CNTN5: variants seen among roughly 807,000 people sequenced by gnomAD.
The protein encoded by CNTN5 is contactin 5.
CNTN5 carries 77 observed loss-of-function variants against 129.1 expected under a neutral mutation model. That is an observed-to-expected ratio of 0.60 (90% CI 0.50 to 0.72). The LOEUF (loss-of-function observed/expected upper bound fraction) is 0.72, where lower values mean the gene tolerates loss of function less well. Among genes scored for constraint, CNTN5 ranks in the 30% least tolerant of loss-of-function variants. CNTN5 has a pLI of 0.00. For missense variants in CNTN5, 1,478 were observed against 1,328.8 expected, an observed-to-expected ratio of 1.11 and a Z score of -1.75; for synonymous variants, 509 against 465.6, an observed-to-expected ratio of 1.09 and a Z score of -1.20.
At chr11:99,355,833 T>G (rs1002047390) in intron 2 of CNTN5, among the ~76,000 whole-genome samples, 13 of 150,482 alleles carry the variant, frequency 8.6e-5, no homozygotes, top group African/African-American at 2.0e-4. Context: ...TTTTTTTTTT[T>G]TTGTTTTTTT....
chr11:100,237,449 C>A (rs1022592471), intron 16 of CNTN5, among the ~76,000 whole-genome samples: 1 of 152,130 alleles, frequency 6.6e-6, no homozygotes, highest in African/African-American at 2.4e-5. Context: ...CTGAACAATA[C>A]AAAATCCATG....
intron 3 of CNTN5, among the ~76,000 whole-genome samples, chr11:99,727,620 G>T (rs984772688): frequency 6.6e-6 from 1 of 151,720 alleles, no homozygotes; most frequent in African/African-American, 2.4e-5. Flanking sequence ...ATCAATTAAG[G>T]GAAGGAAATT....
At chr11:99,642,638 T>G (rs1951812211) in intron 3 of CNTN5, among the ~76,000 whole-genome samples, 1 of 152,182 alleles carries the variant, frequency 6.6e-6, no homozygotes, top group Middle Eastern at 3.2e-3. Context: ...GCTAGCTATT[T>G]TGAAATATGC....
intron 3 of CNTN5, among the ~76,000 whole-genome samples, chr11:99,789,369 A>G (rs1156403306): frequency 6.6e-6 from 1 of 152,002 alleles, no homozygotes; most frequent in African/African-American, 2.4e-5. Context: ...AATGAACAAC[A>G]GAACTGGGGT....
At chr11:99,778,979 TTATA>T (rs1945220502) in intron 3 of CNTN5, among the ~76,000 whole-genome samples, 1 of 151,812 alleles carries the variant, frequency 6.6e-6, no homozygotes, top group Non-Finnish European at 1.5e-5. Flanking sequence ...ACTGGAGAGA[TTATA>T]TAGTGTTTTA....
chr11:99,474,837 T>C (rs982777987), intron 2 of CNTN5, among the ~76,000 whole-genome samples: 1 of 152,224 alleles, frequency 6.6e-6, no homozygotes, highest in Non-Finnish European at 1.5e-5. Context: ...GGCTAGCTAA[T>C]GTTTCCGGAA....
intron 2 of CNTN5, among the ~76,000 whole-genome samples, chr11:99,335,823 A>G (rs1348259742): frequency 6.6e-6 from 1 of 152,144 alleles, no homozygotes; most frequent in Admixed American, 6.5e-5. Flanking sequence ...ATCTTGAGGC[A>G]GAGAAGCAGG....
At chr11:100,316,742 G>A (rs1277679462) in intron 21 of CNTN5, among the ~76,000 whole-genome samples, 1 of 152,128 alleles carries the variant, frequency 6.6e-6, no homozygotes, top group African/African-American at 2.4e-5. Context: ...AGTTTATGGT[G>A]CTTGTATTCA....
intron 6 of CNTN5, among the ~76,000 whole-genome samples, chr11:99,858,712 A>C (rs1232917952): frequency 2.2e-5 from 3 of 136,522 alleles, no homozygotes; most frequent in Non-Finnish European, 3.3e-5. Flanking sequence ...AAAATATTTT[A>C]ATTGATTTAC....
chr11:99,146,112 C>G (rs1467430322), intron 1 of CNTN5, among the ~76,000 whole-genome samples: 2 of 151,976 alleles, frequency 1.3e-5, no homozygotes, highest in Admixed American at 1.3e-4. Context: ...ATCAACCAAG[C>G]TAATTAAACC....
At chr11:100,021,369 T>C (rs561809490) in intron 9 of CNTN5, among the ~76,000 whole-genome samples, 2 of 152,318 alleles carry the variant, frequency 1.3e-5, no homozygotes, top group African/African-American at 4.8e-5. Flanking sequence ...ATATCTTTAT[T>C]GATTTCTGTC....
At chr11:100,261,416 T>C (rs1041060059) in intron 17 of CNTN5, among the ~76,000 whole-genome samples, 3 of 152,134 alleles carry the variant, frequency 2.0e-5, no homozygotes, top group Non-Finnish European at 4.4e-5. Context: ...CAAGCTGTCA[T>C]TGACTTTCTT....
intron 13 of CNTN5, among the ~76,000 whole-genome samples, chr11:100,169,625 C>A (rs1033681675): frequency 6.6e-6 from 1 of 151,936 alleles, no homozygotes; most frequent in Non-Finnish European, 1.5e-5. Flanking sequence ...GTACACTTAA[C>A]CACAGTATAG....
At chr11:100,002,220 G>A (rs1438848229) in intron 9 of CNTN5, 84 bp downstream of exon 9, 1 of 886,612 alleles carries the variant, frequency 1.1e-6, no homozygotes, top group Non-Finnish European at 1.6e-6. Context: ...ATTTTGCTAG[G>A]TGTCATTTCC....
intron 1 of CNTN5, among the ~76,000 whole-genome samples, chr11:99,143,139 T>A (rs538794136): frequency 6.6e-6 from 1 of 152,086 alleles, no homozygotes; most frequent in East Asian, 1.9e-4. Flanking sequence ...TAATCATATC[T>A]TATCCGATGA....
chr11:100,205,403 G>A (rs150915551), intron 15 of CNTN5, among the ~76,000 whole-genome samples: 4 of 152,120 alleles, frequency 2.6e-5, no homozygotes, highest in Admixed American at 1.3e-4. Context: ...TCTCAAATAT[G>A]TTTTCTCTCT....
At chr11:100,191,307 A>G in intron 14 of CNTN5, 54 bp downstream of exon 14, 1 of 1,492,268 alleles carries the variant, frequency 6.7e-7, no homozygotes, top group South Asian at 1.2e-5. Flanking sequence ...TCTTATCGGA[A>G]AGAGAATAAA....
chr11:99,400,583 G>A (rs575423233), intron 2 of CNTN5, among the ~76,000 whole-genome samples: 4 of 152,034 alleles, frequency 2.6e-5, no homozygotes, highest in Non-Finnish European at 5.9e-5. Context: ...TCTGTTATGG[G>A]GGATATAGTC....
chr11:99,843,057 C>G (rs887370253), intron 4 of CNTN5, among the ~76,000 whole-genome samples: 5 of 152,118 alleles, frequency 3.3e-5, no homozygotes, highest in African/African-American at 1.2e-4. Flanking sequence ...ATGGCAAAAA[C>G]CTGTCTCTAC....
Sources: gnomAD v4.1 joint callset for allele counts (sites outside exome capture counted in the v4.1 genomes callset) on GRCh38, gnomAD v4.1.1 for gene constraint, MANE v1.5 for transcripts, NCBI Gene and HGNC (gene_info 2026-07-23, HGNC 2026-07-21) for gene names.